MTUS2: variants seen among roughly 807,000 people sequenced by gnomAD.
MTUS2 encodes microtubule-associated tumor suppressor candidate 2.
Under a neutral mutation model 114.1 loss-of-function variants are expected in MTUS2, and 40 were observed. The ratio of observed to expected loss-of-function variants is 0.35; its 90% CI spans 0.27 to 0.46. The LOEUF is 0.46. MTUS2 is among the 20% of genes least tolerant of loss of function. MTUS2 has a pLI of 1.00. For missense variants in MTUS2, 1,679 were observed against 1,705.4 expected, an observed-to-expected ratio of 0.98 and a Z score of 0.27; for synonymous variants, 688 against 672.0, an observed-to-expected ratio of 1.02 and a Z score of -0.37.
chr13:28,931,936 A>T (rs560704653), intron 2 of MTUS2, among the ~76,000 whole-genome samples: 1 of 152,168 alleles, frequency 6.6e-6, no homozygotes, highest in East Asian at 1.9e-4. Flanking sequence ...GTGTCAACCT[A>T]CACACATCTT....
At chr13:29,261,795 G>A (rs1897482229) in intron 5 of MTUS2, among the ~76,000 whole-genome samples, 1 of 152,168 alleles carries the variant, frequency 6.6e-6, no homozygotes, top group African/African-American at 2.4e-5. Flanking sequence ...AAGATATTCA[G>A]ACAATGATGA....
intron 4 of MTUS2, among the ~76,000 whole-genome samples, chr13:29,040,101 T>C (rs558809303): frequency 9.2e-5 from 14 of 152,338 alleles, no homozygotes; most frequent in African/African-American, 3.4e-4. Context: ...TGATGTGTAA[T>C]CTTTTATCCC....
intron 5 of MTUS2, among the ~76,000 whole-genome samples, chr13:29,210,442 C>G (rs145262798): frequency 1.3e-5 from 2 of 152,014 alleles, no homozygotes; most frequent in Admixed American, 6.6e-5. Flanking sequence ...AGAGATTTCT[C>G]CTTGGTTTGG....
chr13:29,344,282 C>T (rs9551651), intron 7 of MTUS2, among the ~76,000 whole-genome samples: 110,521 of 151,884 alleles, frequency 0.73, 44,235 homozygotes, highest in East Asian at 0.9. Flanking sequence ...TGCCATCTTA[C>T]CTCATTTTTT....
At chr13:28,909,087 C>G (rs1880236247) in intron 2 of MTUS2, among the ~76,000 whole-genome samples, 1 of 151,518 alleles carries the variant, frequency 6.6e-6, no homozygotes, top group Non-Finnish European at 1.5e-5. Context: ...GTTTTGGTTA[C>G]TGTAGCCTTG....
chr13:28,941,591 T>C (rs1311336952), intron 2 of MTUS2, among the ~76,000 whole-genome samples: 1 of 151,664 alleles, frequency 6.6e-6, no homozygotes, highest in African/African-American at 2.4e-5. Context: ...GATATAGCAA[T>C]AGAAGACAAC....
At chr13:28,888,092 C>T (rs1878696425) in intron 2 of MTUS2, among the ~76,000 whole-genome samples, 1 of 152,190 alleles carries the variant, frequency 6.6e-6, no homozygotes, top group Non-Finnish European at 1.5e-5. Context: ...CCTGGCAGAA[C>T]AGTTTAATCC....
intron 5 of MTUS2, among the ~76,000 whole-genome samples, chr13:29,133,223 T>C (rs140188133): frequency 8.5e-5 from 13 of 152,276 alleles, no homozygotes; most frequent in African/African-American, 2.6e-4. Flanking sequence ...TGTTTTTTGT[T>C]ATTGAGTTTC....
intron 8 of MTUS2, among the ~76,000 whole-genome samples, chr13:29,398,824 A>C (rs896685001): frequency 6.6e-6 from 1 of 152,188 alleles, no homozygotes; most frequent in Admixed American, 6.5e-5. Context: ...CAACAGAACC[A>C]CATGCAGAAG....
intron 5 of MTUS2, among the ~76,000 whole-genome samples, chr13:29,197,186 G>T (rs111295155): frequency 6.6e-6 from 1 of 151,932 alleles, no homozygotes; most frequent in African/African-American, 2.4e-5. Context: ...CCCTCCATTC[G>T]TTAGGTATTT....
chr13:28,929,051 A>T (rs949118179), intron 2 of MTUS2, among the ~76,000 whole-genome samples: 6 of 152,220 alleles, frequency 3.9e-5, no homozygotes, highest in African/African-American at 1.4e-4. Flanking sequence ...GCTAAGTGAA[A>T]TAAGCCAAGC....
At chr13:29,367,313 G>A (rs1593356619) in intron 8 of MTUS2, among the ~76,000 whole-genome samples, 2 of 152,116 alleles carry the variant, frequency 1.3e-5, no homozygotes, top group African/African-American at 4.8e-5. Flanking sequence ...GGTGCAGTGT[G>A]GGGAGAGGGC....
chr13:29,457,618 C>A (rs968208819), intron 9 of MTUS2, among the ~76,000 whole-genome samples: 1 of 152,046 alleles, frequency 6.6e-6, no homozygotes, highest in Non-Finnish European at 1.5e-5. Context: ...TTATTACAAG[C>A]CTTTTGTGGA....
At chr13:28,850,582 G>A (rs1357669018) in intron 2 of MTUS2, among the ~76,000 whole-genome samples, 1 of 152,190 alleles carries the variant, frequency 6.6e-6, no homozygotes, top group Non-Finnish European at 1.5e-5. Context: ...AACATAAATT[G>A]CCCAGAGGGT....
chr13:29,100,731 G>A, intron 4 of MTUS2, 42 bp from the exon 5 acceptor site: 2 of 1,536,448 alleles, frequency 1.3e-6, no homozygotes, highest in Non-Finnish European at 8.8e-7. Flanking sequence ...ATCTCATTAT[G>A]AACTGAGAAT....
chr13:29,007,725 T>G (rs188770632), intron 2 of MTUS2, among the ~76,000 whole-genome samples: 21 of 152,310 alleles, frequency 1.4e-4, no homozygotes, highest in African/African-American at 5.1e-4. Flanking sequence ...TTTTCTTCCT[T>G]GGGGTTTTCT....
At chr13:29,432,485 T>C (rs886174448) in intron 8 of MTUS2, among the ~76,000 whole-genome samples, 1 of 152,200 alleles carries the variant, frequency 6.6e-6, no homozygotes, top group Non-Finnish European at 1.5e-5. Context: ...AAGCAAACAA[T>C]AACAAGCCTG....
At chr13:29,352,012 G>A (rs1158376783) in intron 7 of MTUS2, among the ~76,000 whole-genome samples, 6 of 151,766 alleles carry the variant, frequency 4.0e-5, no homozygotes, top group Non-Finnish European at 5.9e-5. Context: ...TCCTTCCTTC[G>A]CTTCTTTGAA....
At chr13:29,317,265 C>T (rs1352127601) in intron 6 of MTUS2, among the ~76,000 whole-genome samples, 1 of 152,166 alleles carries the variant, frequency 6.6e-6, no homozygotes, top group African/African-American at 2.4e-5. Flanking sequence ...TTAAAATCCA[C>T]CTTCCCAGTA....
Sources: gnomAD v4.1 joint callset for allele counts (sites outside exome capture counted in the v4.1 genomes callset) on GRCh38, gnomAD v4.1.1 for gene constraint, MANE v1.5 for transcripts, NCBI Gene and HGNC (gene_info 2026-07-23, HGNC 2026-07-21) for gene names.